Variants in CADM2 observed in about 807,000 individuals in gnomAD.
CADM2 encodes the protein immunoglobulin superfamily member 4D.
Under a neutral mutation model 49.8 loss-of-function variants are expected in CADM2, and 12 were observed. The ratio of observed to expected loss-of-function variants is 0.24; its 90% CI spans 0.15 to 0.39. The LOEUF (loss-of-function observed/expected upper bound fraction) is 0.39, where lower values mean the gene tolerates loss of function less well. Among genes scored for constraint, CADM2 ranks in the 10% least tolerant of loss-of-function variants. The pLI is 1.00. For synonymous variants in CADM2, 214 were observed against 175.4 expected, an observed-to-expected ratio of 1.22 and a Z score of -1.74; for missense variants, 378 against 492.3, an observed-to-expected ratio of 0.77 and a Z score of 2.20.
At chr3:85,672,674 G>A (rs2065776493) in intron 1 of CADM2, among the ~76,000 whole-genome samples, 2 of 151,994 alleles carry the variant, frequency 1.3e-5, no homozygotes, top group Non-Finnish European at 2.9e-5. Flanking sequence ...AAAACATTCA[G>A]TTTGCCACCA....
intron 1 of CADM2, among the ~76,000 whole-genome samples, chr3:85,320,070 A>C (rs1170625112): frequency 6.6e-6 from 1 of 152,210 alleles, no homozygotes; most frequent in African/African-American, 2.4e-5. Flanking sequence ...TTAATACAAC[A>C]ATTCTCAGGA....
chr3:85,598,647 TA>T (rs1000761301), intron 1 of CADM2, among the ~76,000 whole-genome samples: 15 of 151,150 alleles, frequency 9.9e-5, no homozygotes, highest in East Asian at 3.9e-4. Flanking sequence ...ATTGGTCATT[TA>T]AAAAAAAATA....
chr3:85,208,329 A>G (rs918667383), intron 1 of CADM2, among the ~76,000 whole-genome samples: 3 of 152,200 alleles, frequency 2.0e-5, no homozygotes. Context: ...TTGTAGGACT[A>G]TAACAAAGGG....
intron 1 of CADM2, among the ~76,000 whole-genome samples, chr3:85,195,675 T>C (rs962017030): frequency 1.3e-4 from 19 of 152,000 alleles, no homozygotes; most frequent in African/African-American, 4.6e-4. Context: ...TTTACATACA[T>C]GTGTTAAAAA....
chr3:85,133,572 C>G (rs1349680913), intron 1 of CADM2, among the ~76,000 whole-genome samples: 2 of 142,782 alleles, frequency 1.4e-5, no homozygotes, highest in African/African-American at 6.1e-5. Flanking sequence ...GGTGTATTTA[C>G]AATCCCTGAG....
At chr3:85,601,195 T>C (rs556091054) in intron 1 of CADM2, among the ~76,000 whole-genome samples, 56 of 101,900 alleles carry the variant, frequency 5.5e-4, no homozygotes, top group East Asian at 2.6e-3. Context: ...CACACATACA[T>C]GTCATTTGCT....
rs1017756387 is a variant in CADM2, at chr3:85,300,339, T to C, written c.61+340671T>C. Reference sequence around the variant, plus strand: ...TGTTCGTAAGAATTATTTACTTCATTCTGAAATTGTTCTTTCTATTTTTTG... The same window carrying C: ...TGTTCGTAAGAATTATTTACTTCATCCTGAAATTGTTCTTTCTATTTTTTG... On this transcript the variant is annotated intron_variant, in intron 1 of 9. Coordinates refer to ENST00000383699, the MANE Select transcript of CADM2 (RefSeq NM_001167675.2). Among the ~76,000 whole-genome samples the C allele has an allele frequency of 2.6e-5, 4 of 152,188 alleles. No individual in the cohort carries two copies. The East Asian group carries it at 7.7e-4, about 29-fold the overall frequency.
At chr3:85,237,342 TTG>T (rs1329626266) in intron 1 of CADM2, among the ~76,000 whole-genome samples, 3 of 151,938 alleles carry the variant, frequency 2.0e-5, no homozygotes, top group African/African-American at 7.2e-5. Context: ...TTTCAGTATC[TTG>T]TGTGTTACAA....
At chr3:85,091,421 A>G (rs977412979) in intron 1 of CADM2, among the ~76,000 whole-genome samples, 1 of 152,226 alleles carries the variant, frequency 6.6e-6, no homozygotes, top group African/African-American at 2.4e-5. Context: ...CATACGAAGT[A>G]TAATACTTCT....
chr3:85,978,836 T>TA (rs397990431), intron 8 of CADM2, among the ~76,000 whole-genome samples: 1 of 151,622 alleles, frequency 6.6e-6, no homozygotes, highest in Admixed American at 6.6e-5. Context: ...CATTTTTTTT[T>TA]ACCTACATGT....
intron 1 of CADM2, among the ~76,000 whole-genome samples, chr3:85,274,150 G>C (rs1487828817): frequency 1.3e-5 from 2 of 151,352 alleles, no homozygotes; most frequent in East Asian, 1.9e-4. Flanking sequence ...CAGTGATGCT[G>C]TAAGTTAAAG....
chr3:85,341,326 T>G (rs1229283169), intron 1 of CADM2, among the ~76,000 whole-genome samples: 1 of 151,900 alleles, frequency 6.6e-6, no homozygotes, highest in African/African-American at 2.4e-5. Flanking sequence ...TTGTTAAACT[T>G]GATAAGTATA....
chr3:85,944,617 C>T (rs990024873), intron 7 of CADM2, among the ~76,000 whole-genome samples: 4 of 152,088 alleles, frequency 2.6e-5, no homozygotes, highest in African/African-American at 7.2e-5. Flanking sequence ...GATTAAGAAA[C>T]TCACTCAAAA....
chr3:85,633,158 T>C (rs771960468), intron 1 of CADM2, among the ~76,000 whole-genome samples: 4 of 152,068 alleles, frequency 2.6e-5, no homozygotes, highest in Non-Finnish European at 4.4e-5. Flanking sequence ...TAAACCATGA[T>C]TAATCATCAT....
At chr3:85,527,418 G>GA (rs1467001142) in intron 1 of CADM2, among the ~76,000 whole-genome samples, 1 of 134,076 alleles carries the variant, frequency 7.5e-6, no homozygotes, top group African/African-American at 2.5e-5. Flanking sequence ...AAAAAATTCT[G>GA]TGGAGTCTGT....
chr3:84,981,143 A>G (rs887897795), intron 1 of CADM2, among the ~76,000 whole-genome samples: 1 of 101,700 alleles, frequency 9.8e-6, no homozygotes, highest in South Asian at 4.0e-4. Flanking sequence ...CCACCCCACA[A>G]CAGTCCCCAG....
intron 1 of CADM2, among the ~76,000 whole-genome samples, chr3:84,967,874 C>G (rs546914859): frequency 2.6e-5 from 4 of 151,820 alleles, no homozygotes; most frequent in Non-Finnish European, 4.4e-5. Context: ...AGCTCCATTC[C>G]GTAATCTCTT....
chr3:85,199,370 T>TGAGAGAGAGAGAGAGAGAGA (rs59939815), intron 1 of CADM2, among the ~76,000 whole-genome samples: 5,470 of 139,744 alleles, frequency 0.039, 139 homozygotes, highest in East Asian at 0.094. Flanking sequence ...TGTGTGTGTA[T>TGAGAGAGAGAGAGAGAGAGA]GAGAGAGAGA....
At chr3:86,060,628 A>G (rs1738519167) in intron 8 of CADM2, among the ~76,000 whole-genome samples, 2 of 152,286 alleles carry the variant, frequency 1.3e-5, no homozygotes, top group South Asian at 4.1e-4. Context: ...TACCCAGTCC[A>G]CAGGTATGGC....
Sources: gnomAD v4.1 joint callset for allele counts (sites outside exome capture counted in the v4.1 genomes callset) on GRCh38, gnomAD v4.1.1 for gene constraint, MANE v1.5 for transcripts, NCBI Gene and HGNC (gene_info 2026-07-23, HGNC 2026-07-21) for gene names.